PRICKLE2: variants seen among roughly 807,000 people sequenced by gnomAD.
PRICKLE2 encodes prickle-like protein 2.
A neutral mutation model predicts 81.4 loss-of-function variants in PRICKLE2; 21 were observed. That is an observed-to-expected ratio of 0.26 (90% CI 0.18 to 0.37). The LOEUF (loss-of-function observed/expected upper bound fraction) is 0.37, where lower values mean the gene tolerates loss of function less well. PRICKLE2 is among the 10% of genes least tolerant of loss of function. The pLI, the probability that PRICKLE2 is intolerant of heterozygous loss-of-function variation, is 1.00. For missense variants in PRICKLE2, 940 were observed against 1,109.0 expected (o/e 0.85, Z 2.16); for synonymous variants, 456 against 421.5 (o/e 1.08, Z -1.00).
intron 7 of PRICKLE2, among the ~76,000 whole-genome samples, chr3:64,110,972 A>C (rs2076836799): frequency 6.6e-6 from 1 of 151,434 alleles, no homozygotes; most frequent in African/African-American, 2.4e-5. Flanking sequence ...AAAAAAAAAA[A>C]AAAAAAAAAA....
rs2076587626 is a variant in PRICKLE2, at chr3:64,097,492, A to C, written c.*1559T>G. On this transcript the variant is annotated 3_prime_UTR_variant, in exon 8 of 8. Coordinates refer to ENST00000638394, the MANE Select transcript of PRICKLE2 (RefSeq NM_198859.4). The stretch of plus-strand genomic sequence containing the variant: ...GCCACAATCCATTAAGGGGAGGAGG[A>C]GGATGGAAGAAACCAAGTGCTTCAT... 1 of 152,586 alleles carries C rather than the reference A, an allele frequency of 6.6e-6. No individual in the cohort carries two copies. Among genetic ancestry groups the C allele is most frequent in the African/African-American group, 2.4e-5 (1 of 41,428 alleles). The allele number at this position is 152,586 out of a possible 1,614,324, so 9.5% of individuals were successfully genotyped here.
chr3:64,255,620 T>A (rs1306557313), intron 2 of PRICKLE2, among the ~76,000 whole-genome samples: 1 of 152,120 alleles, frequency 6.6e-6, no homozygotes, highest in Non-Finnish European at 1.5e-5. Context: ...CAGATGGAAA[T>A]CTCTCTAGCG....
chr3:64,164,700 G>C (rs1255495214), intron 2 of PRICKLE2, among the ~76,000 whole-genome samples: 4 of 152,214 alleles, frequency 2.6e-5, no homozygotes, highest in Admixed American at 1.3e-4. Flanking sequence ...TCCAAAGGCA[G>C]GGTCTGTATA....
At chr3:64,115,811 G>T (rs2076925125) in intron 7 of PRICKLE2, among the ~76,000 whole-genome samples, 1 of 152,014 alleles carries the variant, frequency 6.6e-6, no homozygotes, top group Non-Finnish European at 1.5e-5. Context: ...TAACAAAGAT[G>T]TTCAGGACCT....
intron 7 of PRICKLE2, among the ~76,000 whole-genome samples, chr3:64,134,841 C>T (rs2077253904): frequency 6.6e-6 from 1 of 152,156 alleles, no homozygotes; most frequent in African/African-American, 2.4e-5. Flanking sequence ...AGTCAGTTTC[C>T]TCTCCTCTCT....
At chr3:64,208,026 G>C (rs377413554) in intron 1 of PRICKLE2, among the ~76,000 whole-genome samples, 1 of 152,246 alleles carries the variant, frequency 6.6e-6, no homozygotes, top group Admixed American at 6.5e-5. Flanking sequence ...TCACATGCAC[G>C]CACAACACCA....
intron 2 of PRICKLE2, among the ~76,000 whole-genome samples, chr3:64,230,691 C>T (rs2079089866): frequency 6.6e-6 from 1 of 152,126 alleles, no homozygotes; most frequent in Non-Finnish European, 1.5e-5. Flanking sequence ...GCCCAATTAC[C>T]TCCTAGCAGC....
chr3:64,199,049 G>C (rs1360382035), intron 1 of PRICKLE2, 82 bp from the exon 2 acceptor site: 12 of 1,301,242 alleles, frequency 9.2e-6, no homozygotes, highest in Non-Finnish European at 1.3e-5. Context: ...CTAGCCCCTG[G>C]ATCCCAAACC....
intron 7 of PRICKLE2, among the ~76,000 whole-genome samples, chr3:64,130,714 A>G (rs2077184847): frequency 1.3e-5 from 2 of 152,198 alleles, no homozygotes; most frequent in Non-Finnish European, 2.9e-5. Context: ...ATGGTTCTCA[A>G]TATTGTCTGA....
chr3:64,140,060 C>A (rs912542211), intron 7 of PRICKLE2, among the ~76,000 whole-genome samples: 1 of 152,238 alleles, frequency 6.6e-6, no homozygotes, highest in African/African-American at 2.4e-5. Flanking sequence ...GTGGCACCTA[C>A]AAATACTAAT....
At chr3:64,134,067 T>G (rs1212544247) in intron 7 of PRICKLE2, among the ~76,000 whole-genome samples, 1 of 152,176 alleles carries the variant, frequency 6.6e-6, no homozygotes, top group African/African-American at 2.4e-5. Context: ...GAATTTTCCA[T>G]GTACTGGGCA....
At chr3:64,195,642 CA>C (rs35782102) in intron 2 of PRICKLE2, among the ~76,000 whole-genome samples, 7,531 of 152,064 alleles carry the variant, frequency 0.05, 250 homozygotes, top group Middle Eastern at 0.14. Flanking sequence ...TTTAGGAACT[CA>C]ATTTTTTCTT....
intron 7 of PRICKLE2, among the ~76,000 whole-genome samples, chr3:64,129,033 T>C (rs2077159133): frequency 6.6e-6 from 1 of 152,074 alleles, no homozygotes; most frequent in Non-Finnish European, 1.5e-5. Flanking sequence ...ACCCACCAGA[T>C]CACAAGCCAG....
At chr3:64,252,390 C>T (rs1442205059) in intron 2 of PRICKLE2, among the ~76,000 whole-genome samples, 1 of 152,180 alleles carries the variant, frequency 6.6e-6, no homozygotes, top group Non-Finnish European at 1.5e-5. Flanking sequence ...GCTGGAAGCA[C>T]AACCCCTCTA....
intron 2 of PRICKLE2, among the ~76,000 whole-genome samples, chr3:64,255,205 C>G (rs2079508810): frequency 6.6e-6 from 1 of 152,220 alleles, no homozygotes; most frequent in Non-Finnish European, 1.5e-5. Context: ...TCCCTCCATG[C>G]ACAAGTTTAC....
At chr3:64,196,332 AGAAAGATG>A in intron 2 of PRICKLE2, among the ~76,000 whole-genome samples, 1 of 152,214 alleles carries the variant, frequency 6.6e-6, no homozygotes, top group Non-Finnish European at 1.5e-5. Context: ...GGTAAACAAA[AGAAAGATG>A]GGCTGCTTAA....
At chr3:64,164,132 G>C (rs115181289) in intron 2 of PRICKLE2, among the ~76,000 whole-genome samples, 4,592 of 152,092 alleles carry the variant, frequency 0.03, 213 homozygotes, top group African/African-American at 0.1. Context: ...CAGCACCTTG[G>C]GGGGCTGAGG....
chr3:64,162,510 C>T (rs1181093772), intron 3 of PRICKLE2, among the ~76,000 whole-genome samples: 2 of 152,158 alleles, frequency 1.3e-5, no homozygotes, highest in African/African-American at 4.8e-5. Flanking sequence ...TCAGACTTCA[C>T]CATGACAAAA....
At chr3:64,175,969 C>T (rs2078015487) in intron 2 of PRICKLE2, among the ~76,000 whole-genome samples, 1 of 152,160 alleles carries the variant, frequency 6.6e-6, no homozygotes, top group Admixed American at 6.5e-5. Flanking sequence ...CACCTAGGCT[C>T]TTCCTGTCTT....
Sources: allele counts gnomAD v4.1 joint callset (sites outside exome capture counted in the v4.1 genomes callset), GRCh38; gene constraint gnomAD v4.1.1; transcripts MANE v1.5; gene names NCBI Gene and HGNC (gene_info 2026-07-23, HGNC 2026-07-21).